Variants in PRMT3 observed in about 807,000 individuals in gnomAD.
The protein encoded by PRMT3 is protein arginine methyltransferase 3, also known as protein arginine N-methyltransferase 3.
Under a neutral mutation model 71.9 loss-of-function variants are expected in PRMT3, and 62 were observed. The observed-to-expected ratio is 0.86, with a 90% CI of 0.70 to 1.07. The LOEUF (loss-of-function observed/expected upper bound fraction) is 1.07, where lower values mean the gene tolerates loss of function less well. PRMT3 is among the 50% of genes least tolerant of loss of function. The pLI is 0.00. For synonymous variants in PRMT3, 213 were observed against 220.4 expected, an observed-to-expected ratio of 0.97 and a Z score of 0.30; for missense variants, 663 against 643.0, an observed-to-expected ratio of 1.03 and a Z score of -0.34.
intron 10 of PRMT3, among the ~76,000 whole-genome samples, chr11:20,432,836 C>T (rs949582172): frequency 1.3e-5 from 2 of 152,038 alleles, no homozygotes; most frequent in Admixed American, 6.5e-5. Context: ...TACCTGCTGG[C>T]CTTTTATATG....
intron 11 of PRMT3, among the ~76,000 whole-genome samples, chr11:20,461,239 C>T (rs1850376524): frequency 6.6e-6 from 1 of 152,140 alleles, no homozygotes. Context: ...CACTTTCCCT[C>T]CCCACTCCCA....
chr11:20,407,995 C>G lies in PRMT3; in HGVS notation c.856C>G (p.Gln286Glu). ...AGAKKVLGVD[Q>E]SEILYQAMDI... ...GGCGAAGAAGGTTCTTGGAGTTGAT[C>G]AATCTGAAATACTTTACCAGGCAAT... The change falls in exon 9 of 16, where the codon CAA (glutamine) becomes GAA (glutamate). Residue 286 changes from glutamine to glutamate, a missense_variant. Gln to Glu is a conservative substitution (Grantham distance 29). Coordinates refer to ENST00000331079, the MANE Select transcript of PRMT3 (RefSeq NM_005788.4). 6.3e-7 allele frequency: 1 copy of G among 1,596,046 alleles called. No homozygotes were observed. The highest frequency in any genetic ancestry group is 8.6e-7 in the Non-Finnish European group (1 of 1,163,944).
At chr11:20,501,369 T>A (rs10741842) in intron 15 of PRMT3, among the ~76,000 whole-genome samples, 7 of 151,854 alleles carry the variant, frequency 4.6e-5, no homozygotes, top group South Asian at 2.1e-4. Context: ...TCCAATTTTC[T>A]CCATCACCTT....
At chr11:20,404,211 G>GTTTTTTTTT (rs71063629) in intron 8 of PRMT3, among the ~76,000 whole-genome samples, 2 of 34,330 alleles carry the variant, frequency 5.8e-5, no homozygotes, top group African/African-American at 2.7e-4. Flanking sequence ...ACTTTTCATA[G>GTTTTTTTTT]TTTTTTTTTT....
At chr11:20,419,007 A>C (rs1849369035) in intron 9 of PRMT3, among the ~76,000 whole-genome samples, 1 of 152,212 alleles carries the variant, frequency 6.6e-6, no homozygotes, top group Non-Finnish European at 1.5e-5. Context: ...ATCAGTTTTT[A>C]CATGTGCCTT....
intron 6 of PRMT3, among the ~76,000 whole-genome samples, chr11:20,397,051 A>C (rs542556212): frequency 1.3e-5 from 2 of 152,038 alleles, no homozygotes; most frequent in African/African-American, 2.4e-5. Context: ...GCCCCTTTGA[A>C]CTTCTCCCTT....
In PRMT3 at chr11:20,421,844, C is replaced by T. The variant is rs552798489; in HGVS notation, c.894-4922C>T. On this transcript the variant is annotated intron_variant, in intron 9 of 15. Transcript: ENST00000331079. ...CCTGAATATTCTCTTAGCCTCCTAA[C>T]GGTAAGATTACATAAAGTACTCGAG... Among the ~76,000 whole-genome samples the T allele has an allele frequency of 1.1e-4, 17 of 152,202 alleles. No individual in the cohort carries two copies. In the East Asian group the frequency reaches 2.5e-3, roughly 22 times the overall value.
intron 15 of PRMT3, among the ~76,000 whole-genome samples, chr11:20,505,327 G>A (rs1851565094): frequency 6.6e-6 from 1 of 152,030 alleles, no homozygotes; most frequent in Non-Finnish European, 1.5e-5. Context: ...TGGGTCTCTG[G>A]AGGTCATTTT....
chr11:20,403,922 G>A (rs1465872258), intron 8 of PRMT3, among the ~76,000 whole-genome samples: 2 of 151,892 alleles, frequency 1.3e-5, no homozygotes, highest in Admixed American at 6.6e-5. Context: ...CCTGATTTTT[G>A]TATTGTTTGG....
intron 15 of PRMT3, among the ~76,000 whole-genome samples, chr11:20,503,987 C>G: frequency 6.6e-6 from 1 of 152,148 alleles, no homozygotes. Context: ...ATTTTTAACA[C>G]TTATAAAAAA....
chr11:20,425,731 A>G (rs748679970), intron 9 of PRMT3, among the ~76,000 whole-genome samples: 1 of 152,196 alleles, frequency 6.6e-6, no homozygotes, highest in Admixed American at 6.5e-5. Context: ...AAAGAAAATC[A>G]GTGGTTGCTT....
At chr11:20,407,694 A>G in intron 8 of PRMT3, 1 of 360,936 alleles carries the variant, frequency 2.8e-6, no homozygotes, top group Non-Finnish European at 5.0e-6. Context: ...TAATTTCAAT[A>G]CGTAATGGAA....
chr11:20,417,174 G>C (rs1849324665), intron 9 of PRMT3, among the ~76,000 whole-genome samples: 1 of 152,104 alleles, frequency 6.6e-6, no homozygotes, highest in African/African-American at 2.4e-5. Context: ...ACTGAATTAT[G>C]AGATTCTTTG....
chr11:20,498,437 A>T (rs1451532849), intron 15 of PRMT3, among the ~76,000 whole-genome samples: 1 of 152,210 alleles, frequency 6.6e-6, no homozygotes, highest in East Asian at 1.9e-4. Context: ...TAGAATATTC[A>T]TCAAAAACTG....
Position 20,508,360 on chromosome 11 carries a change from C to T in PRMT3, c.1543C>T (p.Leu515Phe). The T allele has an allele frequency of 1.2e-6, 2 of 1,612,164 alleles. No individual in the cohort carries two copies. The highest frequency in any genetic ancestry group is 1.1e-5 in the South Asian group (1 of 91,032). ...CAAGAATAAGAAAGATCCACGTTCT[C>T]TCACCGTGACCCTCACGTTGAATAA... ...VHKNKKDPRS[L>F]TVTLTLNNST... Residue 515 changes from leucine (L) to phenylalanine (F), a missense_variant, in exon 16 of 16, where the codon CTC becomes TTC. Leu to Phe is a conservative substitution (Grantham distance 22, BLOSUM62 0). Coordinates refer to ENST00000331079, the MANE Select transcript of PRMT3 (RefSeq NM_005788.4).
chr11:20,397,773 A>G, intron 7 of PRMT3, 52 bp downstream of exon 7: 1 of 1,584,764 alleles, frequency 6.3e-7, no homozygotes, highest in South Asian at 1.1e-5. Flanking sequence ...AAAATAGAAC[A>G]GGTTCTTTCT....
chr11:20,432,621 T>C (rs1045707188), intron 10 of PRMT3, among the ~76,000 whole-genome samples: 7 of 152,142 alleles, frequency 4.6e-5, no homozygotes, highest in Admixed American at 1.3e-4. Context: ...ATTTTTAGTT[T>C]TTTGGGGAAC....
chr11:20,470,883 T>C (rs1850627920), intron 13 of PRMT3, among the ~76,000 whole-genome samples: 1 of 152,186 alleles, frequency 6.6e-6, no homozygotes, highest in Non-Finnish European at 1.5e-5. Context: ...TTCCTCCTTC[T>C]CCACAACCTC....
At chr11:20,390,698 G>A (rs899580303) in intron 3 of PRMT3, among the ~76,000 whole-genome samples, 3 of 152,246 alleles carry the variant, frequency 2.0e-5, no homozygotes, top group African/African-American at 4.8e-5. Flanking sequence ...TAACTAAATA[G>A]GCCAGGTGCT....
Sources: gnomAD v4.1 joint callset for allele counts (sites outside exome capture counted in the v4.1 genomes callset) on GRCh38, gnomAD v4.1.1 for gene constraint, MANE v1.5 for transcripts, NCBI Gene and HGNC (gene_info 2026-07-23, HGNC 2026-07-21) for gene names.